Variants in PPP2R2C observed in about 807,000 individuals in gnomAD.
PPP2R2C encodes protein phosphatase 2 regulatory subunit Bgamma, also known as protein phosphatase 2, regulatory subunit B, gamma.
A neutral mutation model predicts 45.3 loss-of-function variants in PPP2R2C; 10 were observed. The ratio of observed to expected loss-of-function variants is 0.22; its 90% confidence interval spans 0.14 to 0.37. The LOEUF is 0.37. PPP2R2C is among the 10% of genes least tolerant of loss of function. PPP2R2C has a pLI of 1.00. For synonymous variants in PPP2R2C, 257 were observed against 245.4 expected, an observed-to-expected ratio of 1.05 and a Z score of -0.44; for missense variants, 308 against 619.7, an observed-to-expected ratio of 0.50 and a Z score of 5.34.
intron 1 of PPP2R2C, among the ~76,000 whole-genome samples, chr4:6,393,469 G>C (rs1049393263): frequency 6.6e-6 from 1 of 152,140 alleles, no homozygotes; most frequent in African/African-American, 2.4e-5. Flanking sequence ...TTTTAATCAC[G>C]ATGTCTTTTA....
rs1006306327 is a variant in PPP2R2C at position 6,414,090 on chromosome 4, G to A, written c.71-32996C>T. 7.5e-6 allele frequency: 9 copies of A among 1,194,500 alleles called. No individual in the cohort carries two copies. In the Admixed American group the frequency reaches 1.7e-4, roughly 22 times the overall value. The allele number at this position is 1,194,500 out of a possible 1,614,324, so 74.0% of individuals were successfully genotyped here. On this transcript the variant is annotated intron_variant, in intron 1 of 8. Transcript: ENST00000382599. ...TTTGCCTGTGTATGTGTGTGTGTGT[G>A]TGTGTGTGTGTGTGTGTGTGTGTGT...
intron 2 of PPP2R2C, among the ~76,000 whole-genome samples, chr4:6,491,669 C>T (rs1187363770): frequency 6.6e-6 from 1 of 152,168 alleles, no homozygotes; most frequent in Admixed American, 6.5e-5. Context: ...GTGATTGGAT[C>T]ATGCGGGCAG....
intron 2 of PPP2R2C, among the ~76,000 whole-genome samples, chr4:6,520,605 A>T (rs999295537): frequency 4.0e-4 from 61 of 152,242 alleles, no homozygotes; most frequent in African/African-American, 1.4e-3. Context: ...ATTCAAGTCC[A>T]AGGGGTGTAT....
intron 1 of PPP2R2C, among the ~76,000 whole-genome samples, chr4:6,557,137 GC>G (rs930024583): frequency 1.3e-5 from 2 of 152,188 alleles, no homozygotes; most frequent in African/African-American, 4.8e-5. Context: ...CACTGTACTT[GC>G]TAATAGGTTC....
At chr4:6,521,990 T>G (rs996429580) in intron 2 of PPP2R2C, among the ~76,000 whole-genome samples, 2 of 152,070 alleles carry the variant, frequency 1.3e-5, no homozygotes, top group Non-Finnish European at 2.9e-5. Context: ...CCTAAGCCAA[T>G]GGCTTTGGGG....
chr4:6,486,072 T>C (rs1196059276), intron 2 of PPP2R2C, among the ~76,000 whole-genome samples: 2 of 152,042 alleles, frequency 1.3e-5, no homozygotes, highest in African/African-American at 4.8e-5. Context: ...TCTCATAGAT[T>C]TTGATACACT....
intron 2 of PPP2R2C, among the ~76,000 whole-genome samples, chr4:6,512,186 T>C (rs1413405069): frequency 2.3e-5 from 2 of 85,782 alleles, no homozygotes; most frequent in Non-Finnish European, 2.4e-5. Context: ...CTGATGGTGG[T>C]GGTGGTGGTG....
At chr4:6,412,067 C>G (rs1212000734) in intron 1 of PPP2R2C, among the ~76,000 whole-genome samples, 1 of 152,208 alleles carries the variant, frequency 6.6e-6, no homozygotes, top group Admixed American at 6.5e-5. Flanking sequence ...CTCTGGGCCC[C>G]ACAGACCCTG....
At position 6,482,905 on chromosome 4, in the gene PPP2R2C, C is replaced by T. The variant is rs185821348; in HGVS notation, c.49+52366G>A. ...AATTCCTTTCCTGGTTTTCTGAGAG[C>T]GTTTCCTTAGAATAAGTATTAAAAT... On this transcript the variant is annotated intron_variant, in intron 2 of 9. Coordinates refer to the PPP2R2C transcript ENST00000506140. Among the ~76,000 whole-genome samples, 356 of 152,210 alleles carry T rather than the reference C, an allele frequency of 2.3e-3. 1 individual carries two copies. Among genetic ancestry groups the T allele is most frequent in the African/African-American group, 7.8e-3 (323 of 41,524 alleles).
chr4:6,518,922 T>TAAAAAAAAAAAAAAAAAAAAAAAAA (rs56002128), intron 2 of PPP2R2C, among the ~76,000 whole-genome samples: 13 of 92,898 alleles, frequency 1.4e-4, no homozygotes, highest in African/African-American at 2.5e-4. Context: ...GACTCTGTCT[T>TAAAAAAAAAAAAAAAAAAAAAAAAA]AAAAAAAAAA....
At chr4:6,406,233 C>A (rs189544336) in intron 1 of PPP2R2C, among the ~76,000 whole-genome samples, 72 of 152,356 alleles carry the variant, frequency 4.7e-4, no homozygotes, top group African/African-American at 1.6e-3. Context: ...CCAAAGGGAT[C>A]TAAACCTCAG....
intron 1 of PPP2R2C, among the ~76,000 whole-genome samples, chr4:6,547,790 A>G (rs1179143437): frequency 6.6e-6 from 1 of 152,188 alleles, no homozygotes; most frequent in African/African-American, 2.4e-5. Context: ...CAGGCCTCTC[A>G]TCTCAGAGAA....
intron 3 of PPP2R2C, among the ~76,000 whole-genome samples, chr4:6,376,786 C>T (rs1297406558): frequency 6.6e-6 from 1 of 152,176 alleles, no homozygotes; most frequent in Non-Finnish European, 1.5e-5. Context: ...TCAAAAGGAG[C>T]AGGTGCATGG....
At chr4:6,377,841 GGCCGAGA>G (rs975600801) in intron 3 of PPP2R2C, among the ~76,000 whole-genome samples, 1 of 152,140 alleles carries the variant, frequency 6.6e-6, no homozygotes, top group Non-Finnish European at 1.5e-5. Flanking sequence ...GCAGGCGTCA[GGCCGAGA>G]GCCTCCGGTG....
At chr4:6,424,539 AC>A (rs1296117593) in intron 1 of PPP2R2C, among the ~76,000 whole-genome samples, 2 of 152,094 alleles carry the variant, frequency 1.3e-5, no homozygotes, top group Non-Finnish European at 2.9e-5. Context: ...AGCTGGGGAG[AC>A]CTGTGGATAC....
intron 1 of PPP2R2C, among the ~76,000 whole-genome samples, chr4:6,539,966 G>A (rs578144281): frequency 5.9e-5 from 9 of 152,290 alleles, no homozygotes; most frequent in African/African-American, 1.7e-4. Context: ...CCCCAGGCCC[G>A]TGAGGACCCT....
At chr4:6,450,400 G>T (rs1404208265) in intron 1 of PPP2R2C, among the ~76,000 whole-genome samples, 2 of 152,172 alleles carry the variant, frequency 1.3e-5, no homozygotes, top group African/African-American at 4.8e-5. Flanking sequence ...TGAGCAAATG[G>T]TTACCCAGCT....
intron 2 of PPP2R2C, among the ~76,000 whole-genome samples, chr4:6,512,362 G>C (rs1163606538): frequency 1.4e-4 from 1 of 7,218 alleles, no homozygotes; most frequent in Admixed American, 2.4e-3. Context: ...GGTGCTGATG[G>C]TGGTGGTGGT....
intron 1 of PPP2R2C, among the ~76,000 whole-genome samples, chr4:6,538,357 G>T (rs576181394): frequency 1.1e-4 from 17 of 152,080 alleles, no homozygotes; most frequent in African/African-American, 3.9e-4. Context: ...GGTGCCCGCC[G>T]CCCATCTGCC....
Sources: gnomAD v4.1 joint callset for allele counts (sites outside exome capture counted in the v4.1 genomes callset) on GRCh38, gnomAD v4.1.1 for gene constraint, MANE v1.5 for transcripts, NCBI Gene and HGNC (gene_info 2026-07-23, HGNC 2026-07-21) for gene names.